LDHB: variants seen among roughly 807,000 people sequenced by gnomAD.
LDHB encodes L-lactate dehydrogenase B chain.
LDHB carries 18 observed loss-of-function variants against 33.4 expected under a neutral mutation model. That is an observed-to-expected ratio of 0.54 (90% CI 0.37 to 0.80). The LOEUF (loss-of-function observed/expected upper bound fraction) is 0.80. Among genes scored for constraint, LDHB ranks in the 30% least tolerant of loss-of-function variants. LDHB has a pLI of 0.00. For missense variants in LDHB, 345 were observed against 407.9 expected (o/e 0.85, Z 1.33); for synonymous variants, 121 against 140.6 (o/e 0.86, Z 0.98).
intron 3 of LDHB, among the ~76,000 whole-genome samples, chr12:21,645,475 G>C (rs113417451): frequency 0.018 from 2,757 of 152,246 alleles, 77 homozygotes; most frequent in African/African-American, 0.063. Flanking sequence ...TCGTCCCTGG[G>C]CAATGGAATG....
intron 3 of LDHB, among the ~76,000 whole-genome samples, chr12:21,645,233 C>G (rs549950318): frequency 0.22 from 5,188 of 23,750 alleles, 108 homozygotes; most frequent in Middle Eastern, 0.48. Flanking sequence ...ACACAGTACA[C>G]TATGGAAGGC....
At chr12:21,644,701 T>C (rs1171840885) in intron 3 of LDHB, among the ~76,000 whole-genome samples, 1 of 152,190 alleles carries the variant, frequency 6.6e-6, no homozygotes, top group Non-Finnish European at 1.5e-5. Flanking sequence ...TCAACAGCTA[T>C]GGATGATTCA....
intron 1 of LDHB, among the ~76,000 whole-genome samples, chr12:21,655,635 C>T (rs1274463675): frequency 6.6e-6 from 1 of 152,176 alleles, no homozygotes; most frequent in Non-Finnish European, 1.5e-5. Flanking sequence ...TAGATAGACA[C>T]TTAATACATT....
chr12:21,650,314 C>T (rs1938651987), intron 2 of LDHB, among the ~76,000 whole-genome samples: 1 of 152,098 alleles, frequency 6.6e-6, no homozygotes, highest in South Asian at 2.1e-4. Context: ...ACTATTTGAG[C>T]ATGTTTCTGG....
intron 2 of LDHB, among the ~76,000 whole-genome samples, chr12:21,653,506 G>GT (rs2136982749): frequency 6.6e-6 from 1 of 152,248 alleles, no homozygotes; most frequent in African/African-American, 2.4e-5. Context: ...TAAAGGACAT[G>GT]TAAGTAAAGG....
intron 6 of LDHB, 47 bp from the exon 7 acceptor site, chr12:21,637,241 A>T: frequency 6.8e-7 from 1 of 1,464,452 alleles, no homozygotes; most frequent in Non-Finnish European, 9.5e-7. Flanking sequence ...CTCAATCATT[A>T]TTGAAACCAG....
chr12:21,652,477 A>C (rs1262155143), intron 2 of LDHB, among the ~76,000 whole-genome samples: 1 of 152,362 alleles, frequency 6.6e-6, no homozygotes, highest in East Asian at 1.9e-4. Context: ...TGTCTTTTTC[A>C]AAATGATGTA....
intron 6 of LDHB, 40 bp downstream of exon 6, chr12:21,638,312 GT>G (rs753739912): frequency 9.7e-7 from 1 of 1,033,386 alleles, no homozygotes; most frequent in African/African-American, 1.6e-5. Flanking sequence ...TTTAAGTAGA[GT>G]TGAAATTAAT....
intron 5 of LDHB, among the ~76,000 whole-genome samples, chr12:21,641,329 G>A (rs1938363049): frequency 6.6e-6 from 1 of 152,068 alleles, no homozygotes; most frequent in Non-Finnish European, 1.5e-5. Flanking sequence ...CATTTCTGTG[G>A]TATTTGCACC....
intron 1 of LDHB, among the ~76,000 whole-genome samples, chr12:21,656,599 T>C (rs1938851835): frequency 1.3e-5 from 2 of 152,272 alleles, no homozygotes; most frequent in South Asian, 4.1e-4. Flanking sequence ...GTTGTTCTGA[T>C]AGACCTTTTA....
At chr12:21,654,300 A>G in intron 2 of LDHB, 1 of 516,926 alleles carries the variant, frequency 1.9e-6, no homozygotes, top group South Asian at 2.1e-5. Flanking sequence ...ACTGGATGAT[A>G]GTATTGCATC....
Position 21,654,693 on chromosome 12 carries a change from C to A in LDHB, c.-6-16G>T. The A allele has an allele frequency of 6.3e-7, 1 of 1,596,826 alleles. No individual in the cohort carries two copies. Among genetic ancestry groups the A allele is most frequent in the South Asian group, 1.1e-5 (1 of 90,666 alleles). On this transcript the variant is annotated splice_polypyrimidine_tract_variant and intron_variant, in intron 1 of 7. Coordinates refer to ENST00000350669, the MANE Select transcript of LDHB (RefSeq NM_002300.8). ...CCATTTTGCACTGCAAGGAAAGAATCAAAACATTACACGTATATCTGCATA... is the reference window on the plus strand; with the variant it reads ...CCATTTTGCACTGCAAGGAAAGAATAAAAACATTACACGTATATCTGCATA...
At chr12:21,649,340 T>C (rs1022370413) in intron 2 of LDHB, among the ~76,000 whole-genome samples, 3 of 152,226 alleles carry the variant, frequency 2.0e-5, no homozygotes, top group African/African-American at 7.2e-5. Context: ...ATTGTAACAC[T>C]GAATTTAGCT....
chr12:21,654,042 A>T (rs1308077238), intron 2 of LDHB, among the ~76,000 whole-genome samples: 1 of 152,222 alleles, frequency 6.6e-6, no homozygotes, highest in African/African-American at 2.4e-5. Context: ...ATCCCACCCA[A>T]AAAATTCAAC....
intron 4 of LDHB, 149 bp downstream of exon 4, chr12:21,643,786 C>A: frequency 1.5e-6 from 1 of 657,432 alleles, no homozygotes. Flanking sequence ...ATTTGTTTTG[C>A]AAACACCACT....
At position 21,648,590 on chromosome 12, in the gene LDHB, A is replaced by G. The variant is rs78493194; in HGVS notation, c.130-1574T>C. On this transcript the variant is annotated intron_variant, in intron 2 of 7. Transcript: ENST00000350669. ...TGGAGTTCAGGAAGCACTTTGAAGA[A>G]TAAGGTGGAATAAGGTGGAGTAGCC... 7.6e-3 allele frequency among the ~76,000 whole-genome samples: 1,163 copies of G among 152,190 alleles called. 9 individuals are homozygous for G. The highest frequency in any genetic ancestry group is 0.023 in the African/African-American group (966 of 41,512).
chr12:21,648,028 TGAAA>T (rs1938576268), intron 2 of LDHB, among the ~76,000 whole-genome samples: 1 of 45,262 alleles, frequency 2.2e-5, no homozygotes, highest in African/African-American at 5.4e-5. Context: ...TACATAAAAG[TGAAA>T]GAAAGGAAAA....
chr12:21,639,069 T>C (rs943883326), intron 5 of LDHB, among the ~76,000 whole-genome samples: 4 of 151,864 alleles, frequency 2.6e-5, no homozygotes, highest in Non-Finnish European at 4.4e-5. Context: ...ACTCTGGAAA[T>C]AGGAGCAAAA....
intron 5 of LDHB, among the ~76,000 whole-genome samples, chr12:21,640,588 A>G (rs1323166434): frequency 6.6e-6 from 1 of 152,020 alleles, no homozygotes; most frequent in Non-Finnish European, 1.5e-5. Flanking sequence ...TTGTTACCTA[A>G]CTCATTCCTC....
Sources: gnomAD v4.1 joint callset for allele counts (sites outside exome capture counted in the v4.1 genomes callset) on GRCh38, gnomAD v4.1.1 for gene constraint, MANE v1.5 for transcripts, NCBI Gene and HGNC (gene_info 2026-07-23, HGNC 2026-07-21) for gene names.